TTC7A: variants seen among roughly 807,000 people sequenced by gnomAD.
TTC7A encodes the protein tetratricopeptide repeat domain 7A.
A neutral mutation model predicts 103.7 loss-of-function variants in TTC7A; 110 were observed. That is an observed-to-expected ratio of 1.06 (90% confidence interval 0.91 to 1.24). The LOEUF is 1.24. TTC7A is among the 50% of genes most tolerant of loss of function. TTC7A has a pLI of 0.00. For missense variants in TTC7A, 1,340 were observed against 1,116.3 expected (o/e 1.20, Z -2.86); for synonymous variants, 521 against 467.9 (o/e 1.11, Z -1.47).
intron 5 of TTC7A, among the ~76,000 whole-genome samples, chr2:46,980,083 G>A (rs1184099296): frequency 6.6e-6 from 1 of 152,120 alleles, no homozygotes; most frequent in Non-Finnish European, 1.5e-5. Context: ...CATTTTTAGT[G>A]TGATTTATTT....
chr2:46,995,282 G>T lies in TTC7A; in HGVS notation c.1065+83G>T, dbSNP rs551923030. Reference sequence around the variant, plus strand: ...TGTGGGGCCCAGGTACAGGCCACCCGTGACCTAGCCAAACTCTGTCTCCCA... The same window carrying T: ...TGTGGGGCCCAGGTACAGGCCACCCTTGACCTAGCCAAACTCTGTCTCCCA... On this transcript the variant is annotated intron_variant, in intron 8 of 19. Transcript: ENST00000319190. The T allele has an allele frequency of 8.0e-6, 11 of 1,381,992 alleles. No individual in the cohort carries two copies. In the South Asian group the frequency reaches 1.3e-4, roughly 17 times the overall value. The allele number at this position is 1,381,992 out of a possible 1,614,324, so 85.6% of individuals were successfully genotyped here.
intron 19 of TTC7A, among the ~76,000 whole-genome samples, chr2:47,066,535 C>A (rs1321511420): frequency 6.6e-6 from 1 of 152,136 alleles, no homozygotes; most frequent in African/African-American, 2.4e-5. Context: ...CCCATCACCC[C>A]CTCCGCCTGC....
In TTC7A at chr2:47,040,155, A is replaced by G. The variant is rs372336390; in HGVS notation, c.1803-6160A>G. ...TCTGGCAGCATCCTGACGAGGGCAT[A>G]AGCACATAAAGAGGGGGCTTCTGTC... On this transcript the variant is annotated intron_variant, in intron 15 of 19. Coordinates refer to ENST00000319190, the MANE Select transcript of TTC7A (RefSeq NM_020458.4). 9.0e-4 allele frequency among the ~76,000 whole-genome samples: 137 copies of G among 152,322 alleles called. 1 individual carries two copies. The highest frequency in any genetic ancestry group is 3.1e-3 in the African/African-American group (128 of 41,574).
chr2:46,930,733 C>G (rs575248040), intron 2 of TTC7A, among the ~76,000 whole-genome samples: 1 of 152,218 alleles, frequency 6.6e-6, no homozygotes, highest in Non-Finnish European at 1.5e-5. Flanking sequence ...CTCCTGACCT[C>G]AGGTGATCCA....
chr2:47,061,102 G>T (rs1683746495), intron 19 of TTC7A, 131 bp downstream of exon 19: 3 of 982,974 alleles, frequency 3.1e-6, no homozygotes, highest in Non-Finnish European at 4.4e-6. Context: ...CTGGTGTCTA[G>T]GGGAGGGGGC....
At chr2:46,975,525 A>G (rs1319537592) in intron 4 of TTC7A, among the ~76,000 whole-genome samples, 2 of 151,642 alleles carry the variant, frequency 1.3e-5, no homozygotes, top group Admixed American at 1.3e-4. Context: ...AGAGGCTGGT[A>G]AAAGAGTTGG....
At chr2:46,938,450 G>C (rs928071780), upstream of TTC7A, among the ~76,000 whole-genome samples, 6 of 152,088 alleles carry the variant, frequency 3.9e-5, no homozygotes, top group African/African-American at 1.4e-4. Flanking sequence ...TTCAACCGAG[G>C]GGGTATTCTC....
At chr2:47,067,538 C>T (rs1215451387) in intron 19 of TTC7A, among the ~76,000 whole-genome samples, 4 of 152,182 alleles carry the variant, frequency 2.6e-5, no homozygotes, top group Admixed American at 1.3e-4. Flanking sequence ...GGTTCTCCTA[C>T]GGTTGGTTGG....
In TTC7A at chr2:46,978,781, T is replaced by A; in HGVS notation, c.649-11T>A. ...TTGAGACAATGGCTCTCTCTCTGTT[T>A]CCCTTCCCAGACCACAAATAACAGC... On this transcript the variant is annotated splice_polypyrimidine_tract_variant and intron_variant, in intron 4 of 19. Transcript: ENST00000319190. 6.2e-7 allele frequency: 1 copy of A among 1,611,864 alleles called. No homozygotes were observed. The highest frequency in any genetic ancestry group is 8.5e-7 in the Non-Finnish European group (1 of 1,178,132).
chr2:47,013,390 T>G (rs376409628), intron 11 of TTC7A, among the ~76,000 whole-genome samples: 1 of 152,152 alleles, frequency 6.6e-6, no homozygotes, highest in Non-Finnish European at 1.5e-5. Context: ...GGTGGAGATA[T>G]GAGCCAGAGT....
intron 14 of TTC7A, 134 bp from the exon 15 acceptor site, chr2:47,029,090 A>G: frequency 9.9e-7 from 1 of 1,009,786 alleles, no homozygotes; most frequent in Admixed American, 2.2e-5. Context: ...GTTTTCTCAC[A>G]GCAGCCTCCC....
intron 2 of TTC7A, among the ~76,000 whole-genome samples, chr2:46,918,566 G>A (rs989304897): frequency 5.9e-5 from 9 of 152,220 alleles, no homozygotes; most frequent in African/African-American, 2.2e-4. Flanking sequence ...CCAGAAGCAG[G>A]ATGCTAAAAA....
chr2:46,975,013 C>T lies in TTC7A; in HGVS notation c.558C>T (p.Arg186=), dbSNP rs1420819472. The T allele has an allele frequency of 6.2e-7, 1 of 1,614,124 alleles. No homozygotes were observed. Among genetic ancestry groups the T allele is most frequent in the Non-Finnish European group, 8.5e-7 (1 of 1,179,980 alleles). ...LERLPNSIAS[R]FRLTEREEEV... is the part of the protein sequence containing the mutation. ...GCCTACCCAACTCCATCGCCTCCCG[C>T]TTCCGCCTGACAGAGAGGGAGGAGG... The change falls in exon 4 of 20, where the codon CGC becomes CGT. Residue 186 remains arginine (R), a synonymous_variant. Transcript: ENST00000319190.
chr2:46,995,796 C>G (rs1676117763), intron 8 of TTC7A, among the ~76,000 whole-genome samples: 2 of 152,230 alleles, frequency 1.3e-5, no homozygotes, highest in African/African-American at 4.8e-5. Context: ...ACCAGAGATG[C>G]CGCAGCAAAC....
rs538555923 is a variant in TTC7A, at chr2:47,029,498, G to T, written c.1802+114G>T. 53 of 1,177,680 alleles carry T rather than the reference G, an allele frequency of 4.5e-5. No individual in the cohort carries two copies. The African/African-American group carries it at 6.5e-4, about 14-fold the overall frequency. 73.0% of individuals were successfully genotyped at this position (1,177,680 alleles called of 1,614,324 possible). A position where few individuals can be genotyped will look rare whatever the true frequency, so the allele number is the denominator to read the frequency against. On this transcript the variant is annotated intron_variant, in intron 15 of 19. Transcript: ENST00000319190. ...GCCAACACACATGAAGTAAGCACCC[G>T]CTGCATGCACAATCCCTGGTGGAGA...
intron 2 of TTC7A, among the ~76,000 whole-genome samples, chr2:46,928,471 A>C (rs901518747): frequency 2.0e-5 from 3 of 151,130 alleles, no homozygotes; most frequent in Admixed American, 6.6e-5. Flanking sequence ...AAAAAAAAAA[A>C]AAAAAAAAAA....
rs373276280 is a variant in TTC7A at position 47,073,693 on chromosome 2, C to T, written c.2356-9C>T. 7.4e-6 allele frequency: 12 copies of T among 1,612,830 alleles called. No homozygotes were observed. In the African/African-American group the frequency reaches 8.0e-5, roughly 11 times the overall value. ...CCCCTACTCACCCTGCCCTGTGCTT[C>T]GTCCACAGGGTCTGATGCTGAGTCG... On this transcript the variant is annotated splice_polypyrimidine_tract_variant and intron_variant, in intron 19 of 19. Transcript: ENST00000319190.
At chr2:46,931,775 C>A (rs1468234442) in intron 2 of TTC7A, among the ~76,000 whole-genome samples, 1 of 152,076 alleles carries the variant, frequency 6.6e-6, no homozygotes, top group Non-Finnish European at 1.5e-5. Context: ...AGAAGAAATG[C>A]AGCTCTGCCA....
At chr2:47,023,863 C>T (rs1219083831) in intron 13 of TTC7A, among the ~76,000 whole-genome samples, 3 of 49,456 alleles carry the variant, frequency 6.1e-5, no homozygotes, top group African/African-American at 2.3e-4. Context: ...TCCCACTAAA[C>T]CCACCCACCC....
Sources: gnomAD v4.1 joint callset for allele counts (sites outside exome capture counted in the v4.1 genomes callset) on GRCh38, gnomAD v4.1.1 for gene constraint, MANE v1.5 for transcripts, NCBI Gene and HGNC (gene_info 2026-07-23, HGNC 2026-07-21) for gene names.